Variants in UGT1A8 observed in about 807,000 individuals in gnomAD.
The protein encoded by UGT1A8 is UDP-glucuronosyltransferase 1A8.
UGT1A8 carries 39 observed loss-of-function variants against 45.3 expected under a neutral mutation model. The ratio of observed to expected loss-of-function variants is 0.86; its 90% confidence interval spans 0.67 to 1.12. The LOEUF (loss-of-function observed/expected upper bound fraction) is 1.12. Among genes scored for constraint, UGT1A8 ranks in the 50% most tolerant of loss-of-function variants. The pLI is 0.00. For missense variants in UGT1A8, 719 were observed against 664.9 expected (o/e 1.08, Z -0.90); for synonymous variants, 275 against 249.2 (o/e 1.10, Z -0.97).
intron 1 of UGT1A8, among the ~76,000 whole-genome samples, chr2:233,652,942 A>G (rs986188019): frequency 1.1e-4 from 17 of 152,216 alleles, no homozygotes; most frequent in African/African-American, 4.1e-4. Flanking sequence ...TGTGTATGAG[A>G]AACAACAACA....
intron 1 of UGT1A8, among the ~76,000 whole-genome samples, chr2:233,757,557 T>C (rs1380539575): frequency 8.0e-6 from 1 of 124,464 alleles, no homozygotes; most frequent in Non-Finnish European, 1.7e-5. Context: ...TATATATATA[T>C]ATATGTATAT....
intron 1 of UGT1A8, among the ~76,000 whole-genome samples, chr2:233,624,151 G>A (rs1311822119): frequency 6.6e-6 from 1 of 152,082 alleles, no homozygotes; most frequent in Non-Finnish European, 1.5e-5. Flanking sequence ...ATGAGCTAAA[G>A]TCTGTTTCCT....
intron 4 of UGT1A8, 146 bp from the exon 5 acceptor site, chr2:233,772,116 A>C (rs1430946734): frequency 1.3e-6 from 2 of 1,531,304 alleles, no homozygotes; most frequent in Non-Finnish European, 1.8e-6. Flanking sequence ...CTGTATCTAA[A>C]AACAACAACA....
chr2:233,758,057 A>G (rs1435615594), intron 1 of UGT1A8, among the ~76,000 whole-genome samples: 1 of 151,980 alleles, frequency 6.6e-6, no homozygotes, highest in Non-Finnish European at 1.5e-5. Context: ...ACCATTTCTA[A>G]CTTGACTTTC....
At chr2:233,712,073 A>G (rs2076213454) in intron 1 of UGT1A8, among the ~76,000 whole-genome samples, 2 of 152,256 alleles carry the variant, frequency 1.3e-5, no homozygotes, top group African/African-American at 4.8e-5. Context: ...TCAGGATGAA[A>G]TAAAGGCCTG....
chr2:233,621,444 A>G (rs1354546837), intron 1 of UGT1A8, among the ~76,000 whole-genome samples: 2 of 152,176 alleles, frequency 1.3e-5, no homozygotes, highest in Non-Finnish European at 1.5e-5. Flanking sequence ...ATGGTTACAG[A>G]GCAAGAAAAG....
intron 3 of UGT1A8, 102 bp from the exon 4 acceptor site, chr2:233,768,118 G>A (rs1575832144): frequency 6.2e-7 from 1 of 1,600,328 alleles, no homozygotes; most frequent in South Asian, 1.1e-5. Context: ...GCAAGGGCAT[G>A]TGAGTAACAC....
intron 1 of UGT1A8, among the ~76,000 whole-genome samples, chr2:233,704,787 A>G (rs1316884961): frequency 6.6e-6 from 1 of 152,096 alleles, no homozygotes; most frequent in Non-Finnish European, 1.5e-5. Context: ...TATAGTCCCA[A>G]CAATATAATT....
rs1699915243 is a variant in UGT1A8, at chr2:233,769,658, C to T, written c.1295+1219C>T. On this transcript the variant is annotated intron_variant, in intron 4 of 4. Coordinates refer to ENST00000373450, the MANE Select transcript of UGT1A8 (RefSeq NM_019076.5). The surrounding 1 kb of genome is among the most constrained non-coding windows in gnomAD (Gnocchi z 4.4). ...GGAGGACTGATGACTGACTTCCCAC[C>T]TTTGAGGTGCTAATGTGTGTGTGGT... 2 of 1,600,404 alleles carry T rather than the reference C, an allele frequency of 1.2e-6. No individual in the cohort carries two copies. The highest frequency in any genetic ancestry group is 2.7e-5 in the African/African-American group (2 of 74,670).
chr2:233,713,326 G>C (rs17864695), intron 1 of UGT1A8: 6 of 1,614,218 alleles, frequency 3.7e-6, no homozygotes, highest in Non-Finnish European at 5.1e-6. Context: ...AAATTTTCTA[G>C]AAGAATGGCA....
intron 1 of UGT1A8, chr2:233,672,258 A>G (rs759267504): frequency 3.7e-6 from 6 of 1,614,080 alleles, no homozygotes; most frequent in Admixed American, 1.7e-5. Context: ...TATATTCTCT[A>G]TTAATGGGTT....
chr2:233,720,168 A>G (rs957295954), intron 1 of UGT1A8, among the ~76,000 whole-genome samples: 6 of 152,154 alleles, frequency 3.9e-5, no homozygotes, highest in Non-Finnish European at 7.3e-5. Context: ...AGTGTCAAAG[A>G]GGTTGACTCA....
intron 1 of UGT1A8, among the ~76,000 whole-genome samples, chr2:233,639,135 G>C (rs1314238359): frequency 6.6e-6 from 1 of 152,132 alleles, no homozygotes; most frequent in Non-Finnish European, 1.5e-5. Flanking sequence ...ACCTGTGATA[G>C]AGGGATATCT....
At chr2:233,671,687 T>C (rs777507016) in intron 1 of UGT1A8, among the ~76,000 whole-genome samples, 8 of 152,256 alleles carry the variant, frequency 5.3e-5, no homozygotes, top group Non-Finnish European at 8.8e-5. Flanking sequence ...GCACAGGGCA[T>C]GTTCTGCCCC....
At chr2:233,650,066 G>A (rs189952989) in intron 1 of UGT1A8, among the ~76,000 whole-genome samples, 3 of 152,252 alleles carry the variant, frequency 2.0e-5, no homozygotes, top group East Asian at 3.9e-4. Flanking sequence ...TGCCTCCTGG[G>A]TTCAAGCGAT....
At position 233,620,814 on chromosome 2, in the gene UGT1A8, G is replaced by A. The variant is rs12991757; in HGVS notation, c.855+2252G>A. On this transcript the variant is annotated intron_variant, in intron 1 of 4. Coordinates refer to ENST00000373450, the MANE Select transcript of UGT1A8 (RefSeq NM_019076.5). ...TCATCGAAAGAAGGATGGACACTGC[G>A]TATTGCTCCTTCCTTGTTTCAGATG... 5.3e-5 allele frequency among the ~76,000 whole-genome samples: 8 copies of A among 152,160 alleles called. No homozygotes were observed. In the East Asian group the frequency reaches 5.8e-4, roughly 11 times the overall value.
chr2:233,718,673 G>T lies in UGT1A8; in HGVS notation c.856-48361G>T. 3 of 1,556,294 alleles carry T rather than the reference G, an allele frequency of 1.9e-6. No individual in the cohort carries two copies. The Admixed American group carries it at 5.7e-5, about 30-fold the overall frequency. ...ACGAAAGGCAGTTATAGATTAATGG[G>T]TAATAAGTAACTGGAGGAGGGCACT... On this transcript the variant is annotated intron_variant, in intron 1 of 4. Transcript: ENST00000373450.
chr2:233,697,866 T>G (rs2075414431), intron 1 of UGT1A8, among the ~76,000 whole-genome samples: 1 of 152,208 alleles, frequency 6.6e-6, no homozygotes, highest in Admixed American at 6.5e-5. Flanking sequence ...ATGCATTTAT[T>G]TAATGATTTC....
At chr2:233,706,776 GGAGA>G (rs1475683157) in intron 1 of UGT1A8, among the ~76,000 whole-genome samples, 1 of 152,236 alleles carries the variant, frequency 6.6e-6, no homozygotes, top group East Asian at 1.9e-4. Context: ...TCCATCTCTG[GGAGA>G]GAAATACCAT....
Sources: gnomAD v4.1 joint callset for allele counts (sites outside exome capture counted in the v4.1 genomes callset) on GRCh38, gnomAD v4.1.1 for gene constraint, Gnocchi (gnomAD v3.1) non-coding constraint, MANE v1.5 for transcripts, NCBI Gene and HGNC (gene_info 2026-07-23, HGNC 2026-07-21) for gene names.